Variants in NSMCE2 observed in about 807,000 individuals in gnomAD.
NSMCE2 encodes E3 SUMO-protein ligase NSE2.
In NSMCE2, 24 loss-of-function variants were observed where a neutral mutation model predicts 23.8. The ratio of observed to expected loss-of-function variants is 1.01; its 90% CI spans 0.73 to 1.42. The LOEUF is 1.42. Among genes scored for constraint, NSMCE2 ranks in the 40% most tolerant of loss-of-function variants. NSMCE2 has a pLI of 0.00. For synonymous variants in NSMCE2, 92 were observed against 94.1 expected, an observed-to-expected ratio of 0.98 and a Z score of 0.13; for missense variants, 284 against 296.5, an observed-to-expected ratio of 0.96 and a Z score of 0.31.
At chr8:125,356,414 C>A (rs1235500864) in intron 5 of NSMCE2, among the ~76,000 whole-genome samples, 2 of 149,532 alleles carry the variant, frequency 1.3e-5, no homozygotes, top group Non-Finnish European at 3.0e-5. Context: ...CTGCAACCTC[C>A]AACTTCTGGG....
intron 5 of NSMCE2, among the ~76,000 whole-genome samples, chr8:125,314,070 C>T (rs981253883): frequency 1.3e-5 from 2 of 152,094 alleles, no homozygotes; most frequent in African/African-American, 2.4e-5. Flanking sequence ...GGATAGCAAA[C>T]GTGCAGAGAT....
intron 3 of NSMCE2, among the ~76,000 whole-genome samples, chr8:125,114,085 A>T (rs1370138032): frequency 6.6e-6 from 1 of 152,160 alleles, no homozygotes; most frequent in Non-Finnish European, 1.5e-5. Flanking sequence ...CTGAACATAA[A>T]TATTTTGCCC....
intron 5 of NSMCE2, among the ~76,000 whole-genome samples, chr8:125,344,884 TAGAGAAAC>T (rs1830379145): frequency 1.3e-5 from 2 of 152,168 alleles, no homozygotes; most frequent in South Asian, 4.1e-4. Flanking sequence ...AGGAAAATTC[TAGAGAAAC>T]TGAGATTTTG....
intron 5 of NSMCE2, among the ~76,000 whole-genome samples, chr8:125,296,198 G>T (rs1182253199): frequency 1.3e-5 from 2 of 152,046 alleles, no homozygotes; most frequent in Non-Finnish European, 2.9e-5. Flanking sequence ...ACAAACTGAG[G>T]TAAATTTAGT....
At chr8:125,357,131 C>G (rs557945364) in intron 5 of NSMCE2, 88 bp from the exon 6 acceptor site, 12 of 838,002 alleles carry the variant, frequency 1.4e-5, no homozygotes, top group Non-Finnish European at 2.4e-5. Context: ...AATGCTCCCC[C>G]AGAAACTCTT....
At chr8:125,244,016 G>A (rs143597053) in intron 5 of NSMCE2, among the ~76,000 whole-genome samples, 1 of 151,620 alleles carries the variant, frequency 6.6e-6, no homozygotes, top group Non-Finnish European at 1.5e-5. Context: ...TCAAGAAAGG[G>A]AAGATATTGT....
intron 5 of NSMCE2, among the ~76,000 whole-genome samples, chr8:125,243,220 T>A (rs1040342326): frequency 2.6e-5 from 4 of 152,220 alleles, no homozygotes; most frequent in Admixed American, 2.6e-4. Context: ...GTATATATAC[T>A]TAAGAGAGCA....
chr8:125,095,077 C>G (rs763352170), intron 1 of NSMCE2, among the ~76,000 whole-genome samples: 2 of 152,070 alleles, frequency 1.3e-5, no homozygotes, highest in Non-Finnish European at 2.9e-5. Context: ...TCTCGAACTC[C>G]TGGGCTCAAG....
intron 5 of NSMCE2, among the ~76,000 whole-genome samples, chr8:125,333,502 G>GTTTTTTTT (rs1308950464): frequency 1.8e-4 from 12 of 65,832 alleles, no homozygotes; most frequent in Non-Finnish European, 2.6e-4. Flanking sequence ...TTTCCTGGTG[G>GTTTTTTTT]TTCTTTTTTT....
At chr8:125,196,447 T>C (rs79490897) in intron 5 of NSMCE2, among the ~76,000 whole-genome samples, 1 of 152,080 alleles carries the variant, frequency 6.6e-6, no homozygotes, top group Non-Finnish European at 1.5e-5. Flanking sequence ...GGTGAGAACA[T>C]GTGGATTTGG....
At chr8:125,109,862 C>A (rs1408181519) in intron 3 of NSMCE2, among the ~76,000 whole-genome samples, 1 of 152,066 alleles carries the variant, frequency 6.6e-6, no homozygotes, top group Admixed American at 6.6e-5. Flanking sequence ...TGTCGATATT[C>A]TAGTATTACC....
chr8:125,253,243 G>T (rs1023778816), intron 5 of NSMCE2, among the ~76,000 whole-genome samples: 3 of 152,178 alleles, frequency 2.0e-5, no homozygotes, highest in African/African-American at 4.8e-5. Context: ...ATATTAAACT[G>T]TGGTATTTGC....
chr8:125,171,045 C>T (rs1405930418), intron 4 of NSMCE2, among the ~76,000 whole-genome samples: 1 of 152,170 alleles, frequency 6.6e-6, no homozygotes, highest in Non-Finnish European at 1.5e-5. Context: ...ACTTCCCAAA[C>T]CCTTTTTACT....
chr8:125,148,284 T>C (rs549955933), intron 3 of NSMCE2, among the ~76,000 whole-genome samples: 2 of 152,302 alleles, frequency 1.3e-5, no homozygotes, highest in East Asian at 3.9e-4. Flanking sequence ...TTTCCTCCTT[T>C]GCAGGAAGGT....
At chr8:125,185,338 G>A (rs1183473802) in intron 5 of NSMCE2, among the ~76,000 whole-genome samples, 5 of 151,150 alleles carry the variant, frequency 3.3e-5, no homozygotes, top group South Asian at 2.1e-4. Flanking sequence ...ACAGAGTCTC[G>A]CTTTGTTACC....
Position 125,174,688 on chromosome 8 carries a change from G to A in NSMCE2, c.265-7415G>A, listed in dbSNP as rs368657809. ...GCTTATTCATTTTCACAATTTTTCC[G>A]AAAGGCTCGAAGGAGGAAAGGTGTT... On this transcript the variant is annotated intron_variant, in intron 4 of 7. Coordinates refer to ENST00000287437, the MANE Select transcript of NSMCE2 (RefSeq NM_173685.4). 1.4e-4 allele frequency among the ~76,000 whole-genome samples: 22 copies of A among 152,262 alleles called. 1 individual carries two copies. The South Asian group carries it at 3.7e-3, about 26-fold the overall frequency.
intron 5 of NSMCE2, among the ~76,000 whole-genome samples, chr8:125,298,567 A>G (rs954009907): frequency 2.3e-4 from 35 of 152,052 alleles, no homozygotes; most frequent in Non-Finnish European, 1.0e-4. Context: ...TACTTAAACC[A>G]TCTCCACTTT....
chr8:125,161,558 G>C (rs1400576383), intron 4 of NSMCE2, among the ~76,000 whole-genome samples: 1 of 152,130 alleles, frequency 6.6e-6, no homozygotes, highest in African/African-American at 2.4e-5. Flanking sequence ...AGCACTTTGG[G>C]AGGCTGAGGC....
chr8:125,330,695 G>A (rs1220138202), intron 5 of NSMCE2, among the ~76,000 whole-genome samples: 6 of 152,178 alleles, frequency 3.9e-5, no homozygotes, highest in African/African-American at 1.4e-4. Context: ...AGGTACTAAA[G>A]GAAACAGAAT....
Sources: gnomAD v4.1 joint callset for allele counts (sites outside exome capture counted in the v4.1 genomes callset) on GRCh38, gnomAD v4.1.1 for gene constraint, MANE v1.5 for transcripts, NCBI Gene and HGNC (gene_info 2026-07-23, HGNC 2026-07-21) for gene names.